Variants in RAB22A observed in about 807,000 individuals in gnomAD.
RAB22A encodes the protein RAB22A, member RAS oncogene family.
Under a neutral mutation model 30.2 loss-of-function variants are expected in RAB22A, and 13 were observed. The ratio of observed to expected loss-of-function variants is 0.43; its 90% CI spans 0.28 to 0.68. RAB22A has a LOEUF of 0.68. Ranked by LOEUF, RAB22A falls within the 30% of genes least tolerant of loss-of-function variation. The probability of loss-of-function intolerance (pLI) is 0.18; values close to 1 mark genes in which losing one functional copy is unlikely to be tolerated. For synonymous variants in RAB22A, 89 were observed against 87.2 expected, an observed-to-expected ratio of 1.02 and a Z score of -0.11; for missense variants, 177 against 246.8, an observed-to-expected ratio of 0.72 and a Z score of 1.89.
chr20:58,331,032 C>T (rs890505742), intron 2 of RAB22A, among the ~76,000 whole-genome samples: 10 of 152,202 alleles, frequency 6.6e-5, no homozygotes, highest in African/African-American at 2.4e-4. Flanking sequence ...TTCTAGCCAA[C>T]GCTGGTGGTT....
intron 3 of RAB22A, among the ~76,000 whole-genome samples, chr20:58,352,607 T>C (rs1038962973): frequency 6.6e-6 from 1 of 152,188 alleles, no homozygotes; most frequent in Middle Eastern, 3.2e-3. Context: ...TTCAAATGGT[T>C]ATTCCTCTCC....
In RAB22A at chr20:58,365,760, C is replaced by G. The variant is rs1471525884; in HGVS notation, c.*6057C>G. On this transcript the variant is annotated 3_prime_UTR_variant, in exon 7 of 7. Transcript: ENST00000244040. ...CACTGCAACCTCCGCCTCCCAGGTTCAAGCAATTCTCCTGCCTCAGCCACC... is the reference window on the plus strand; with the variant it reads ...CACTGCAACCTCCGCCTCCCAGGTTGAAGCAATTCTCCTGCCTCAGCCACC... 6.6e-6 allele frequency: 1 copy of G among 152,506 alleles called. No homozygotes were observed. The highest frequency in any genetic ancestry group is 1.5e-5 in the Non-Finnish European group (1 of 68,332). The allele number at this position is 152,506 out of a possible 1,614,324, so 9.4% of individuals were successfully genotyped here.
intron 3 of RAB22A, among the ~76,000 whole-genome samples, chr20:58,351,770 G>A (rs751035149): frequency 3.9e-5 from 6 of 152,120 alleles, no homozygotes; most frequent in South Asian, 4.2e-4. Flanking sequence ...CCGAGATCAC[G>A]CCATTGCACT....
At position 58,366,691 on chromosome 20, in the gene RAB22A, G is replaced by A. The variant is rs1319321036; in HGVS notation, c.*6988G>A. 1 of 152,162 alleles carries A rather than the reference G, an allele frequency of 6.6e-6. No individual in the cohort carries two copies. Among genetic ancestry groups the A allele is most frequent in the Admixed American group, 6.5e-5 (1 of 15,278 alleles). The allele number at this position is 152,162 out of a possible 1,614,324, so 9.4% of individuals were successfully genotyped here. ...AGGCCAGTGTTAGGTGAAGAACTCC[G>A]CTGCTTCAGAAAGAGAATAGCAGCG... On this transcript the variant is annotated 3_prime_UTR_variant, in exon 7 of 7. Coordinates refer to ENST00000244040, the MANE Select transcript of RAB22A (RefSeq NM_020673.3).
intron 2 of RAB22A, among the ~76,000 whole-genome samples, chr20:58,342,844 A>T (rs1026061018): frequency 6.6e-6 from 1 of 152,022 alleles, no homozygotes; most frequent in Admixed American, 6.5e-5. Context: ...GCTGGGCCCA[A>T]TCCCAGGGCA....
intron 2 of RAB22A, among the ~76,000 whole-genome samples, chr20:58,340,999 A>T (rs1233949877): frequency 6.6e-6 from 1 of 152,184 alleles, no homozygotes; most frequent in East Asian, 1.9e-4. Context: ...CCAAGGCAGG[A>T]TGTGCTGGGG....
rs1987304509 is a variant in RAB22A at position 58,365,820 on chromosome 20, C to T, written c.*6117C>T. The T allele has an allele frequency of 6.6e-6, 1 of 152,198 alleles. No homozygotes were observed. Among genetic ancestry groups the T allele is most frequent in the African/African-American group, 2.4e-5 (1 of 41,426 alleles). 9.4% of individuals were successfully genotyped at this position (152,198 alleles called of 1,614,324 possible). A position where few individuals can be genotyped will look rare whatever the true frequency, so the allele number is the denominator to read the frequency against. On this transcript the variant is annotated 3_prime_UTR_variant, in exon 7 of 7. Transcript: ENST00000244040. ...AGGATTACAGGCGCCCGCCCCCACA[C>T]CCGGCTAATATTTTTTGTATTTTTA...
Position 58,361,809 on chromosome 20 carries a change from C to A in RAB22A, c.*2106C>A, listed in dbSNP as rs1987231831. 1.3e-5 allele frequency: 2 copies of A among 151,786 alleles called. No homozygotes were observed. The highest frequency in any genetic ancestry group is 4.2e-4 in the South Asian group (2 of 4,810). 9.4% of individuals were successfully genotyped at this position (151,786 alleles called of 1,614,324 possible). A position where few individuals can be genotyped will look rare whatever the true frequency, so the allele number is the denominator to read the frequency against. On this transcript the variant is annotated 3_prime_UTR_variant, in exon 7 of 7. Coordinates refer to ENST00000244040, the MANE Select transcript of RAB22A (RefSeq NM_020673.3). ...CAAATCTATGACCTTCACATTTTTT[C>A]CACCACACCCACCAGTAGCTGTTGG...
chr20:58,310,944 G>C (rs1986213455), intron 1 of RAB22A, 99 bp from the exon 2 acceptor site: 1 of 946,868 alleles, frequency 1.1e-6, no homozygotes. Flanking sequence ...ACACGTCTAG[G>C]GTGATTTTTC....
chr20:58,310,675 T>C (rs1986206875), intron 1 of RAB22A, among the ~76,000 whole-genome samples: 1 of 152,214 alleles, frequency 6.6e-6, no homozygotes, highest in Non-Finnish European at 1.5e-5. Context: ...TAACTAATCT[T>C]TATTCCCCCA....
chr20:58,317,029 TG>T (rs2122925483), intron 2 of RAB22A, among the ~76,000 whole-genome samples: 1 of 152,338 alleles, frequency 6.6e-6, no homozygotes, highest in Admixed American at 6.5e-5. Context: ...AGATGAGACA[TG>T]GACTCTAGAC....
rs573420610 is a variant in RAB22A at position 58,320,949 on chromosome 20, T to G, written c.116+9827T>G. 5.3e-5 allele frequency among the ~76,000 whole-genome samples: 8 copies of G among 151,904 alleles called. No homozygotes were observed. In the South Asian group the frequency reaches 1.0e-3, roughly 20 times the overall value. On this transcript the variant is annotated intron_variant, in intron 2 of 6. Transcript: ENST00000244040. ...GCTCACGCCTGTAATCCCAGCACTT[T>G]GGGAGGCCGAGGCGGGTAGATCATG...
In RAB22A at chr20:58,310,002, GTC is replaced by G; in HGVS notation, c.28_29del (p.Leu10AlafsTer8). 2 of 1,285,406 alleles carry G rather than the reference GTC, an allele frequency of 1.6e-6. No individual in the cohort carries two copies. Among genetic ancestry groups the G allele is most frequent in the South Asian group, 3.0e-5 (1 of 33,168 alleles). 79.6% of individuals were successfully genotyped at this position (1,285,406 alleles called of 1,614,324 possible). ...ATGGCGCTGAGGGAGCTCAAAGTGTGTCTGCTCGGGGTGAGTGGCGGCGGGTC... is the reference window on the plus strand; with the variant it reads ...ATGGCGCTGAGGGAGCTCAAAGTGTGTGCTCGGGGTGAGTGGCGGCGGGTC... On this transcript the variant is annotated frameshift_variant, in exon 1 of 7. Transcript: ENST00000244040. LOFTEE classifies it high-confidence loss of function.
At chr20:58,338,726 A>G (rs189856066) in intron 2 of RAB22A, among the ~76,000 whole-genome samples, 1 of 152,208 alleles carries the variant, frequency 6.6e-6, no homozygotes, top group African/African-American at 2.4e-5. Context: ...TCTAACAGAG[A>G]CAACTTTGTG....
chr20:58,330,856 GC>G (rs1396120493), intron 2 of RAB22A, among the ~76,000 whole-genome samples: 1 of 152,118 alleles, frequency 6.6e-6, no homozygotes, highest in Non-Finnish European at 1.5e-5. Flanking sequence ...TCCAGCTGTT[GC>G]TGTCCATTGG....
At position 58,365,126 on chromosome 20, in the gene RAB22A, A is replaced by AT. The variant is rs1421410012; in HGVS notation, c.*5425dup. ...CAAACAAAACATGCCAGTTTTACTG[A>AT]TTCCGCTTTTTGCTTGATTCAGGAA... On this transcript the variant is annotated 3_prime_UTR_variant, in exon 7 of 7. Transcript: ENST00000244040. 5 of 152,232 alleles carry AT rather than the reference A, an allele frequency of 3.3e-5. No homozygotes were observed. Among genetic ancestry groups the AT allele is most frequent in the African/African-American group, 9.7e-5 (4 of 41,450 alleles). 9.4% of individuals were successfully genotyped at this position (152,232 alleles called of 1,614,324 possible).
intron 2 of RAB22A, among the ~76,000 whole-genome samples, chr20:58,337,530 C>G (rs777040819): frequency 6.6e-6 from 1 of 152,148 alleles, no homozygotes; most frequent in Non-Finnish European, 1.5e-5. Flanking sequence ...CACAGTCTGT[C>G]CATTCTTCAC....
rs1986303968 is a variant in RAB22A at position 58,314,842 on chromosome 20, AAAAAAAAAGAAAAG to A, written c.116+3730_116+3743del. ...GGTGACAGAGCAAGACTCCATCTCA[AAAAAAAAAGAAAAG>A]AAAAAAAAGTTTTTGAAGAATGGAA... On this transcript the variant is annotated intron_variant, in intron 2 of 6. Transcript: ENST00000244040. 2.7e-5 allele frequency among the ~76,000 whole-genome samples: 4 copies of A among 145,610 alleles called. No individual in the cohort carries two copies. In the South Asian group the frequency reaches 8.8e-4, roughly 32 times the overall value.
intron 6 of RAB22A, among the ~76,000 whole-genome samples, chr20:58,358,919 G>A (rs930605740): frequency 6.6e-6 from 1 of 151,480 alleles, no homozygotes; most frequent in Non-Finnish European, 1.5e-5. Flanking sequence ...AAAAGGTGAC[G>A]GCTCTTTCTC....
Sources: gnomAD v4.1 joint callset for allele counts (sites outside exome capture counted in the v4.1 genomes callset) on GRCh38, gnomAD v4.1.1 for gene constraint, MANE v1.5 for transcripts, NCBI Gene and HGNC (gene_info 2026-07-23, HGNC 2026-07-21) for gene names.